Variants in PRMT8 observed in about 807,000 individuals in gnomAD.
PRMT8 encodes the protein protein arginine methyltransferase 8.
In PRMT8, 7 loss-of-function variants were observed where a neutral mutation model predicts 47.1. The ratio of observed to expected loss-of-function variants is 0.15; its 90% CI spans 0.08 to 0.28. The LOEUF is 0.28. Among genes scored for constraint, PRMT8 ranks in the 10% least tolerant of loss-of-function variants. PRMT8 has a pLI of 1.00. For synonymous variants in PRMT8, 188 were observed against 186.5 expected, an observed-to-expected ratio of 1.01 and a Z score of -0.07; for missense variants, 237 against 505.4, an observed-to-expected ratio of 0.47 and a Z score of 5.09.
chr12:3,567,139 C>A (rs1392199401), intron 4 of PRMT8, among the ~76,000 whole-genome samples: 2 of 152,234 alleles, frequency 1.3e-5, no homozygotes, highest in Non-Finnish European at 2.9e-5. Context: ...TGTGGATCAA[C>A]AAGCAGGAAT....
chr12:3,539,763 G>A (rs936418892), intron 1 of PRMT8, among the ~76,000 whole-genome samples: 2 of 152,162 alleles, frequency 1.3e-5, no homozygotes, highest in African/African-American at 4.8e-5. Flanking sequence ...GAGCTGGGCT[G>A]GGCCTCAGGA....
intron 1 of PRMT8, among the ~76,000 whole-genome samples, chr12:3,511,108 G>C (rs1865706323): frequency 6.6e-6 from 1 of 152,124 alleles, no homozygotes; most frequent in African/African-American, 2.4e-5. Context: ...GTTGTGTGCA[G>C]ATCTTACATT....
chr12:3,521,532 C>T (rs577747281), intron 1 of PRMT8, among the ~76,000 whole-genome samples: 1 of 152,240 alleles, frequency 6.6e-6, no homozygotes, highest in African/African-American at 2.4e-5. Flanking sequence ...TGAGATCTCA[C>T]CATTGCACTC....
chr12:3,490,675 A>AAGAGAGAGAGAGAGAGAGAGAGAG (rs370069857), upstream of PRMT8, among the ~76,000 whole-genome samples: 285 of 121,128 alleles, frequency 2.4e-3, 4 homozygotes, highest in Non-Finnish European at 3.1e-3. Flanking sequence ...TTTGGGTACA[A>AAGAGAGAGAGAGAGAGAGAGAGAG]AGAGAGAGAG....
At chr12:3,437,622 C>CGATATA (rs1369691506) in intron 1 of PRMT8, among the ~76,000 whole-genome samples, 2 of 142,820 alleles carry the variant, frequency 1.4e-5, no homozygotes, top group African/African-American at 5.4e-5. Flanking sequence ...TGCATTCAGG[C>CGATATA]TATATATATA....
At chr12:3,524,229 C>T (rs764060419) in intron 1 of PRMT8, among the ~76,000 whole-genome samples, 27 of 151,372 alleles carry the variant, frequency 1.8e-4, no homozygotes, top group South Asian at 6.3e-4. Flanking sequence ...AATTTAAAAA[C>T]GAAAGAATAC....
chr12:3,563,758 C>G (rs143265640), intron 4 of PRMT8, among the ~76,000 whole-genome samples: 13 of 152,242 alleles, frequency 8.5e-5, no homozygotes, highest in African/African-American at 3.1e-4. Context: ...TCTCTAAACT[C>G]CAGTTCACTC....
chr12:3,418,517 G>T (rs1565402622), intron 1 of PRMT8, among the ~76,000 whole-genome samples: 1 of 152,200 alleles, frequency 6.6e-6, no homozygotes, highest in Non-Finnish European at 1.5e-5. Context: ...GGCTGCTGAT[G>T]CCAGTGCTCT....
chr12:3,507,206 C>T (rs558069098), intron 1 of PRMT8, among the ~76,000 whole-genome samples: 108 of 150,446 alleles, frequency 7.2e-4, no homozygotes, highest in Non-Finnish European at 1.3e-3. Context: ...ACTGCAAGCT[C>T]CGCCTCCCGG....
At chr12:3,412,952 T>C (rs1366145568) in intron 1 of PRMT8, among the ~76,000 whole-genome samples, 1 of 152,228 alleles carries the variant, frequency 6.6e-6, no homozygotes, top group African/African-American at 2.4e-5. Context: ...CATGAGGCAT[T>C]GGTCTGCCAT....
intron 2 of PRMT8, among the ~76,000 whole-genome samples, chr12:3,542,628 C>T (rs954657421): frequency 5.3e-5 from 8 of 152,156 alleles, no homozygotes; most frequent in African/African-American, 1.7e-4. Context: ...TTGGGCCTGC[C>T]CAGAACTCCC....
intron 1 of PRMT8, among the ~76,000 whole-genome samples, chr12:3,482,703 G>C (rs1294054386): frequency 6.6e-6 from 1 of 152,120 alleles, no homozygotes; most frequent in Non-Finnish European, 1.5e-5. Context: ...ACTTGTATGT[G>C]TGCCTGAGAG....
chr12:3,458,811 T>G (rs1239521709), intron 1 of PRMT8, among the ~76,000 whole-genome samples: 1 of 152,212 alleles, frequency 6.6e-6, no homozygotes, highest in Non-Finnish European at 1.5e-5. Flanking sequence ...GGATAGACAC[T>G]CCCTTCCGAG....
At chr12:3,449,150 G>A (rs908889877) in intron 1 of PRMT8, among the ~76,000 whole-genome samples, 1 of 152,196 alleles carries the variant, frequency 6.6e-6, no homozygotes, top group African/African-American at 2.4e-5. Context: ...GTGGGCATTT[G>A]TGTTGATTCC....
chr12:3,454,100 C>T (rs961905989), intron 1 of PRMT8, among the ~76,000 whole-genome samples: 29 of 152,280 alleles, frequency 1.9e-4, no homozygotes, highest in Admixed American at 1.5e-3. Flanking sequence ...TGGGGCCAAA[C>T]ACGGAGGCCC....
rs138958714 is a variant in PRMT8, at chr12:3,506,297, T to G, written c.75+14597T>G. The stretch of plus-strand genomic sequence containing the variant: ...CACATGGTAAATACTCAAGAAAGAT[T>G]AGCTTTATTAGTAATCTGGGCTTAC... On this transcript the variant is annotated intron_variant, in intron 1 of 9. Coordinates refer to ENST00000382622, the MANE Select transcript of PRMT8 (RefSeq NM_019854.5). Among the ~76,000 whole-genome samples the G allele has an allele frequency of 2.5e-3, 386 of 152,290 alleles. 2 individuals are homozygous for G. Among genetic ancestry groups the G allele is most frequent in the Non-Finnish European group, 4.1e-3 (277 of 68,014 alleles).
At chr12:3,407,068 C>T (rs2137053994) in intron 1 of PRMT8, among the ~76,000 whole-genome samples, 1 of 152,296 alleles carries the variant, frequency 6.6e-6, no homozygotes, top group South Asian at 2.1e-4. Context: ...AACTTACAAT[C>T]ATGACAGAAA....
intron 7 of PRMT8, among the ~76,000 whole-genome samples, chr12:3,578,601 G>A (rs867334189): frequency 7.9e-5 from 12 of 152,128 alleles, no homozygotes; most frequent in African/African-American, 2.4e-4. Context: ...GCTCCTGCAC[G>A]CATCATTCTT....
At chr12:3,479,433 T>G (rs373891424) in intron 1 of PRMT8, among the ~76,000 whole-genome samples, 1 of 152,122 alleles carries the variant, frequency 6.6e-6, no homozygotes, top group Non-Finnish European at 1.5e-5. Flanking sequence ...CTTGGCTAAT[T>G]TTTTTTAGTC....
Sources: allele counts gnomAD v4.1 joint callset (sites outside exome capture counted in the v4.1 genomes callset), GRCh38; gene constraint gnomAD v4.1.1; transcripts MANE v1.5; gene names NCBI Gene and HGNC (gene_info 2026-07-23, HGNC 2026-07-21).